Variants in GALNT5 observed in about 807,000 individuals in gnomAD.
GALNT5 encodes polypeptide N-acetylgalactosaminyltransferase 5.
Under a neutral mutation model 85.4 loss-of-function variants are expected in GALNT5, and 72 were observed. The observed-to-expected ratio is 0.84, with a 90% CI of 0.70 to 1.03. GALNT5 has a LOEUF of 1.03. Among genes scored for constraint, GALNT5 ranks in the 50% least tolerant of loss-of-function variants. The probability of loss-of-function intolerance (pLI) is 0.00; values close to 1 mark genes in which losing one functional copy is unlikely to be tolerated. For missense variants in GALNT5, 1,137 were observed against 1,135.5 expected (o/e 1.00, Z -0.02); for synonymous variants, 404 against 397.0 (o/e 1.02, Z -0.21).
intron 3 of GALNT5, among the ~76,000 whole-genome samples, chr2:157,293,484 AT>A (rs1683142815): frequency 6.6e-6 from 1 of 152,194 alleles, no homozygotes; most frequent in Non-Finnish European, 1.5e-5. Flanking sequence ...CAAAATATGA[AT>A]TTTGGATTGA....
intron 3 of GALNT5, among the ~76,000 whole-genome samples, chr2:157,286,790 G>GT (rs1260801313): frequency 2.6e-5 from 4 of 151,878 alleles, no homozygotes; most frequent in Non-Finnish European, 5.9e-5. Context: ...GCCTCAAAAT[G>GT]TTTTTTTAAA....
rs1491196830 is a variant in GALNT5 at position 157,317,199 on chromosome 2, T to TA, written c.*5851_*5852insA. On this transcript the variant is annotated 3_prime_UTR_variant, in exon 10 of 10. Transcript: ENST00000259056. The stretch of plus-strand genomic sequence containing the variant: ...GTATATATATATATATATATATATA[T>TA]TTTTTTTTTTGATGCTTTGATCTGG... 0.034 allele frequency among the ~76,000 whole-genome samples: 3,660 copies of TA among 106,884 alleles called. 54 individuals carry two copies. Among genetic ancestry groups the TA allele is most frequent in the Non-Finnish European group, 0.041 (2,150 of 52,972 alleles). The allele number at this position is 106,884 out of a possible 152,430, so 70.1% of individuals were successfully genotyped here. A position where few individuals can be genotyped will look rare whatever the true frequency, so the allele number is the denominator to read the frequency against.
Position 157,304,107 on chromosome 2 carries a change from A to G in GALNT5, c.2440-1642A>G, listed in dbSNP as rs1025619467. Among the ~76,000 whole-genome samples the G allele has an allele frequency of 6.6e-5, 10 of 152,222 alleles. 1 individual carries two copies. The highest frequency in any genetic ancestry group is 8.8e-5 in the Non-Finnish European group (6 of 68,036). On this transcript the variant is annotated intron_variant, in intron 7 of 9. Transcript: ENST00000259056. Reference sequence around the variant, plus strand: ...AATATTTATCTCTGCTTCAGTACAGAGAGCAATTGCAGCATGCTTTCCTTC... The same window carrying G: ...AATATTTATCTCTGCTTCAGTACAGGGAGCAATTGCAGCATGCTTTCCTTC...
At chr2:157,292,939 T>C (rs764081879) in intron 3 of GALNT5, among the ~76,000 whole-genome samples, 1 of 152,148 alleles carries the variant, frequency 6.6e-6, no homozygotes, top group African/African-American at 2.4e-5. Context: ...CTCAGCCTCA[T>C]GATCCTACCA....
rs1313384576 is a variant in GALNT5 at position 157,313,257 on chromosome 2, C to T, written c.*1909C>T. On this transcript the variant is annotated 3_prime_UTR_variant, in exon 10 of 10. Coordinates refer to ENST00000259056, the MANE Select transcript of GALNT5 (RefSeq NM_014568.3). ...ATACTCACCATGATGTTACAATAGCCTACAGTGTTCAATACAGTAACATGC... is the reference window on the plus strand; with the variant it reads ...ATACTCACCATGATGTTACAATAGCTTACAGTGTTCAATACAGTAACATGC... The T allele has an allele frequency of 6.6e-6, 1 of 152,134 alleles. No individual in the cohort carries two copies. Among genetic ancestry groups the T allele is most frequent in the African/African-American group, 2.4e-5 (1 of 41,424 alleles). The allele number at this position is 152,134 out of a possible 1,614,324, so 9.4% of individuals were successfully genotyped here.
chr2:157,306,667 A>T (rs1440596922), intron 8 of GALNT5, among the ~76,000 whole-genome samples: 2 of 152,220 alleles, frequency 1.3e-5, no homozygotes, highest in African/African-American at 4.8e-5. Context: ...TACAGAGATT[A>T]TTTTGCAATG....
intron 1 of GALNT5, among the ~76,000 whole-genome samples, chr2:157,271,096 CTG>C (rs1207620703): frequency 7.0e-6 from 1 of 142,006 alleles, no homozygotes; most frequent in Non-Finnish European, 1.5e-5. Flanking sequence ...AGCCCAGACT[CTG>C]TCTCAAAAAA....
Position 157,271,882 on chromosome 2 carries a change from C to T in GALNT5, c.1454+12346C>T, listed in dbSNP as rs372419165. ...CACTTAAAACTGTGAGCATGATGGG[C>T]TCATACAATCATATCACACATAGAA... is the stretch of plus-strand genomic sequence containing the variant. On this transcript the variant is annotated intron_variant, in intron 1 of 9. Coordinates refer to ENST00000259056, the MANE Select transcript of GALNT5 (RefSeq NM_014568.3). Among the ~76,000 whole-genome samples, 26 of 152,194 alleles carry T rather than the reference C, an allele frequency of 1.7e-4. 1 individual carries two copies. The South Asian group carries it at 5.2e-3, about 30-fold the overall frequency.
intron 1 of GALNT5, among the ~76,000 whole-genome samples, chr2:157,269,369 G>C (rs1682532264): frequency 6.6e-6 from 1 of 152,138 alleles, no homozygotes; most frequent in Non-Finnish European, 1.5e-5. Flanking sequence ...CTTTGTATTG[G>C]AAATCTCAGG....
Position 157,312,336 on chromosome 2 carries a change from A to T in GALNT5, c.*988A>T, listed in dbSNP as rs1293488034. 6.6e-6 allele frequency: 1 copy of T among 152,140 alleles called. No homozygotes were observed. Among genetic ancestry groups the T allele is most frequent in the Non-Finnish European group, 1.5e-5 (1 of 67,998 alleles). 9.4% of individuals were successfully genotyped at this position (152,140 alleles called of 1,614,324 possible). On this transcript the variant is annotated 3_prime_UTR_variant, in exon 10 of 10. Transcript: ENST00000259056. ...AAATATGCGAAAAATGGGTTCTAAA[A>T]TATTTCAAAGGGAAAATGAAGTGAA...
intron 7 of GALNT5, among the ~76,000 whole-genome samples, chr2:157,302,793 C>T (rs181713482): frequency 2.0e-5 from 3 of 152,296 alleles, no homozygotes; most frequent in Admixed American, 2.0e-4. Flanking sequence ...CTCCGCTATA[C>T]TATATCAAAA....
At chr2:157,294,315 A>G (rs767750227) in intron 3 of GALNT5, among the ~76,000 whole-genome samples, 4 of 152,188 alleles carry the variant, frequency 2.6e-5, no homozygotes, top group Admixed American at 2.0e-4. Flanking sequence ...AACAGAGCAG[A>G]CAAGAGGGGC....
chr2:157,279,827 A>G (rs190334661), intron 1 of GALNT5, among the ~76,000 whole-genome samples: 3 of 152,312 alleles, frequency 2.0e-5, no homozygotes, highest in African/African-American at 7.2e-5. Flanking sequence ...GGCTGCACCC[A>G]CTGTCCAACC....
At chr2:157,289,794 C>T (rs1172544321) in intron 3 of GALNT5, among the ~76,000 whole-genome samples, 1 of 151,922 alleles carries the variant, frequency 6.6e-6, no homozygotes. Flanking sequence ...ATATATATGG[C>T]TGGGTGGTGG....
rs1353565448 is a variant in GALNT5, at chr2:157,259,053, T to C, written c.971T>C (p.Ile324Thr). ...AATTTCTCTGAAAGCCATCTTGTGA[T>C]TATAACCAAAGAGGAAGAGCAAAAG... ...KLNFSESHLV[I>T]ITKEEEQKAD... Residue 324 changes from isoleucine to threonine, a missense_variant, in exon 1 of 10, where the codon ATT (isoleucine) becomes ACT (threonine). By Grantham distance (89) the Ile-to-Thr change is moderately conservative (BLOSUM62 -1). Transcript: ENST00000259056. The C allele has an allele frequency of 6.8e-7, 1 of 1,474,310 alleles. No homozygotes were observed. The highest frequency in any genetic ancestry group is 1.4e-5 in the African/African-American group (1 of 71,142). The allele number at this position is 1,474,310 out of a possible 1,614,324, so 91.3% of individuals were successfully genotyped here.
intron 1 of GALNT5, among the ~76,000 whole-genome samples, chr2:157,262,862 T>C (rs961112947): frequency 4.7e-5 from 6 of 128,750 alleles, no homozygotes; most frequent in Admixed American, 2.7e-4. Context: ...GGAGTCTCGC[T>C]CTGTCACCCA....
intron 7 of GALNT5, among the ~76,000 whole-genome samples, chr2:157,304,254 C>T (rs759905701): frequency 5.9e-5 from 9 of 152,174 alleles, no homozygotes; most frequent in African/African-American, 9.7e-5. Flanking sequence ...CATTTACTAA[C>T]AGTGAGCTGT....
intron 1 of GALNT5, among the ~76,000 whole-genome samples, chr2:157,274,656 G>C (rs906014811): frequency 8.5e-5 from 13 of 152,282 alleles, no homozygotes; most frequent in African/African-American, 3.1e-4. Context: ...GATATTCTTT[G>C]CCCACTTTTT....
intron 3 of GALNT5, among the ~76,000 whole-genome samples, chr2:157,287,667 G>A (rs948560099): frequency 2.0e-5 from 3 of 152,040 alleles, no homozygotes; most frequent in South Asian, 2.1e-4. Flanking sequence ...GGTTCTTTCT[G>A]CCTTCCCCAA....
Sources: allele counts gnomAD v4.1 joint callset (sites outside exome capture counted in the v4.1 genomes callset), GRCh38; gene constraint gnomAD v4.1.1; transcripts MANE v1.5; gene names NCBI Gene and HGNC (gene_info 2026-07-23, HGNC 2026-07-21).